NLRC5: variants seen among roughly 807,000 people sequenced by gnomAD.
The protein encoded by NLRC5 is NLR family CARD domain containing 5, also known as protein NLRC5.
NLRC5 carries 114 observed loss-of-function variants against 206.9 expected under a neutral mutation model. The ratio of observed to expected loss-of-function variants is 0.55; its 90% CI spans 0.47 to 0.64. The LOEUF (loss-of-function observed/expected upper bound fraction) is 0.64, where lower values mean the gene tolerates loss of function less well. Ranked by LOEUF, NLRC5 falls within the 30% of genes least tolerant of loss-of-function variation. NLRC5 has a pLI of 0.00. For synonymous variants in NLRC5, 952 were observed against 962.8 expected, an observed-to-expected ratio of 0.99 and a Z score of 0.21; for missense variants, 2,008 against 2,305.5, an observed-to-expected ratio of 0.87 and a Z score of 2.64.
intron 6 of NLRC5, among the ~76,000 whole-genome samples, chr16:57,027,657 C>G (rs545256751): frequency 6.6e-6 from 1 of 152,348 alleles, no homozygotes; most frequent in Non-Finnish European, 1.5e-5. Context: ...GCTCCATTAT[C>G]CCCTTGGGAA....
intron 1 of NLRC5, among the ~76,000 whole-genome samples, chr16:57,000,611 G>A (rs1419029885): frequency 1.3e-5 from 2 of 152,130 alleles, no homozygotes; most frequent in Non-Finnish European, 2.9e-5. Flanking sequence ...TTCCCACTGT[G>A]AGCCTCAATT....
intron 32 of NLRC5, chr16:57,062,429 T>A (rs1474785082): frequency 7.1e-6 from 2 of 282,588 alleles, no homozygotes. Context: ...GTCTTCTGAC[T>A]CTTCTAACCT....
Position 57,036,198 on chromosome 16 carries a change from C to G in NLRC5, c.2711+15C>G. 2 of 1,611,098 alleles carry G rather than the reference C, an allele frequency of 1.2e-6. No homozygotes were observed. Among genetic ancestry groups the G allele is most frequent in the Non-Finnish European group, 1.7e-6 (2 of 1,179,004 alleles). On this transcript the variant is annotated intron_variant, in intron 14 of 48. Transcript: ENST00000688547. ...AGGAAGCTGGAGTGAGTTGTCCACC[C>G]CACCGCTGGGTACCAGGGAAGGCCC...
chr16:57,077,627 C>A lies in NLRC5; in HGVS notation c.4920-92C>A. ...GGTGTCGGGGGGTTGTCTCTTAGGC[C>A]CCCTGAAGCAGGGGTGGCAGACCCA... On this transcript the variant is annotated intron_variant, in intron 41 of 48. Coordinates refer to ENST00000688547, the MANE Select transcript of NLRC5 (RefSeq NM_001384950.1). 3.9e-6 allele frequency: 5 copies of A among 1,291,938 alleles called. No homozygotes were observed. The Admixed American group carries it at 1.1e-4, about 29-fold the overall frequency. 80.0% of individuals were successfully genotyped at this position (1,291,938 alleles called of 1,614,324 possible).
At chr16:57,035,098 C>T (rs953821332) in intron 13 of NLRC5, among the ~76,000 whole-genome samples, 3 of 152,170 alleles carry the variant, frequency 2.0e-5, no homozygotes, top group Non-Finnish European at 4.4e-5. Context: ...TGCCCCTCCC[C>T]GAGTGCCATC....
Position 57,025,238 on chromosome 16 carries a change from C to T in NLRC5, c.425-130C>T, listed in dbSNP as rs112862803. The T allele has an allele frequency of 1.9e-3, 2,805 of 1,441,010 alleles. 3 individuals carry two copies. The highest frequency in any genetic ancestry group is 2.4e-3 in the Non-Finnish European group (2,622 of 1,098,422). 89.3% of individuals were successfully genotyped at this position (1,441,010 alleles called of 1,614,324 possible). ...AGATCCCCCTATGGTGCTCTTGACA[C>T]CCCCACCCTCACCCCATCATACATA... On this transcript the variant is annotated intron_variant, in intron 5 of 48. Coordinates refer to ENST00000688547, the MANE Select transcript of NLRC5 (RefSeq NM_001384950.1).
At chr16:57,029,078 G>T (rs555152551) in intron 8 of NLRC5, among the ~76,000 whole-genome samples, 1 of 152,288 alleles carries the variant, frequency 6.6e-6, no homozygotes, top group Admixed American at 6.5e-5. Flanking sequence ...AGCACTTGTT[G>T]AGTGAAAATA....
intron 17 of NLRC5, chr16:57,041,258 G>T (rs77326218): frequency 3.8e-6 from 2 of 531,462 alleles, no homozygotes; most frequent in African/African-American, 1.9e-5. Flanking sequence ...CTGTGCCTTG[G>T]TTTCCTTCCA....
rs759725966 is a variant in NLRC5 at position 57,025,650 on chromosome 16, C to G, written c.707C>G (p.Thr236Arg). Residue 236 changes from threonine to arginine, a missense_variant, in exon 6 of 49, where the codon ACG (threonine) becomes AGG (arginine). Coordinates refer to ENST00000688547, the MANE Select transcript of NLRC5 (RefSeq NM_001384950.1). ...GGGAAGGCTGGCATGGGCAAGACCA[C>G]GCTGGCCCACCGGCTCTGCCAGAAG... ...LLGKAGMGKT[T>R]LAHRLCQKWA... 1.9e-6 allele frequency: 3 copies of G among 1,614,184 alleles called. No homozygotes were observed. The highest frequency in any genetic ancestry group is 1.1e-5 in the South Asian group (1 of 91,088).
At chr16:57,030,574 G>T (rs1266808948) in intron 10 of NLRC5, among the ~76,000 whole-genome samples, 1 of 151,732 alleles carries the variant, frequency 6.6e-6, no homozygotes, top group Non-Finnish European at 1.5e-5. Flanking sequence ...ATGGATGGAT[G>T]GATAGATGGC....
At chr16:56,994,407 C>T (rs1170763133) in intron 1 of NLRC5, among the ~76,000 whole-genome samples, 1 of 152,214 alleles carries the variant, frequency 6.6e-6, no homozygotes, top group Admixed American at 6.5e-5. Flanking sequence ...CATTCAGCTT[C>T]TCCACTGAGC....
rs547001907 is a variant in NLRC5 at position 57,007,843 on chromosome 16, C to T, written c.-127-9231C>T. 3.3e-5 allele frequency among the ~76,000 whole-genome samples: 5 copies of T among 152,162 alleles called. No individual in the cohort carries two copies. The South Asian group carries it at 1.0e-3, about 32-fold the overall frequency. ...TTCAGTGTTGGTTTTTAGTAACTCT[C>T]GATTTATTAAAACATTTATACATTT... On this transcript the variant is annotated intron_variant, in intron 1 of 48. Coordinates refer to ENST00000688547, the MANE Select transcript of NLRC5 (RefSeq NM_001384950.1).
At chr16:57,082,305 C>T (rs2069247793) in intron 48 of NLRC5, 112 bp from the exon 49 acceptor site, 7 of 786,638 alleles carry the variant, frequency 8.9e-6, no homozygotes, top group Non-Finnish European at 1.5e-5. Context: ...CTGCCTCTGC[C>T]AGGTAACTCT....
intron 39 of NLRC5, among the ~76,000 whole-genome samples, chr16:57,075,473 G>T (rs953707307): frequency 6.6e-6 from 1 of 152,144 alleles, no homozygotes; most frequent in Non-Finnish European, 1.5e-5. Context: ...GCCCACCTCG[G>T]CCTCCCAAAG....
intron 13 of NLRC5, among the ~76,000 whole-genome samples, chr16:57,035,358 C>A (rs535039764): frequency 6.6e-6 from 1 of 152,130 alleles, no homozygotes; most frequent in Non-Finnish European, 1.5e-5. Flanking sequence ...TCACTTTTCA[C>A]TGATGCCTGC....
At chr16:57,076,790 G>A (rs559918997) in intron 39 of NLRC5, 29 bp from the exon 40 acceptor site, 2 of 1,608,818 alleles carry the variant, frequency 1.2e-6, no homozygotes, top group African/African-American at 2.7e-5. Flanking sequence ...GCTCCTGAAA[G>A]CCTCTTGGTC....
intron 43 of NLRC5, 33 bp downstream of exon 43, chr16:57,078,053 T>C (rs1235316310): frequency 6.6e-7 from 1 of 1,525,202 alleles, no homozygotes; most frequent in East Asian, 2.3e-5. Context: ...CATGCAGGGC[T>C]GGTGGGGAGG....
chr16:57,034,141 C>T, intron 12 of NLRC5, 27 bp from the exon 13 acceptor site: 1 of 1,601,904 alleles, frequency 6.2e-7, no homozygotes, highest in Non-Finnish European at 8.5e-7. Context: ...TTGCCCTGAG[C>T]CCTTCTGTCC....
intron 36 of NLRC5, 159 bp from the exon 37 acceptor site, chr16:57,069,677 A>G (rs893020130): frequency 1.2e-5 from 8 of 646,748 alleles, no homozygotes; most frequent in African/African-American, 3.6e-5. Context: ...GTGGTGGCTT[A>G]ATGAGTTCAT....
Sources: allele counts gnomAD v4.1 joint callset (sites outside exome capture counted in the v4.1 genomes callset), GRCh38; gene constraint gnomAD v4.1.1; transcripts MANE v1.5; gene names NCBI Gene and HGNC (gene_info 2026-07-23, HGNC 2026-07-21).